Variants in GRAMD1B observed in about 807,000 individuals in gnomAD.
GRAMD1B encodes the protein protein Aster-B.
In GRAMD1B, 37 loss-of-function variants were observed where a neutral mutation model predicts 99.7. The ratio of observed to expected loss-of-function variants is 0.37; its 90% CI spans 0.29 to 0.49. The LOEUF (loss-of-function observed/expected upper bound fraction) is 0.49. GRAMD1B is among the 20% of genes least tolerant of loss of function. The pLI, the probability that GRAMD1B is intolerant of heterozygous loss-of-function variation, is 0.98. For synonymous variants in GRAMD1B, 427 were observed against 387.6 expected, an observed-to-expected ratio of 1.10 and a Z score of -1.19; for missense variants, 888 against 1,009.2, an observed-to-expected ratio of 0.88 and a Z score of 1.63.
At chr11:123,597,076 G>A (rs1951359447) in intron 7 of GRAMD1B, among the ~76,000 whole-genome samples, 1 of 151,642 alleles carries the variant, frequency 6.6e-6, no homozygotes, top group African/African-American at 2.4e-5. Context: ...GTGACTGCTG[G>A]TCCTAGTTCC....
At chr11:123,419,229 G>A (rs1948337204) in intron 1 of GRAMD1B, among the ~76,000 whole-genome samples, 1 of 152,206 alleles carries the variant, frequency 6.6e-6, no homozygotes, top group African/African-American at 2.4e-5. Flanking sequence ...AGACTTGCAA[G>A]TGACCACAGA....
In GRAMD1B at chr11:123,625,128, C is replaced by T. The variant is rs1252830920; in HGVS notation, c.*2533C>T. ...AAATCTCTTCCCCCTTAGTCAATAG[C>T]TTGCGAAAGACATCTTAACTCACCC... On this transcript the variant is annotated 3_prime_UTR_variant, in exon 20 of 20. Transcript: ENST00000635736. The T allele has an allele frequency of 2.0e-5, 3 of 152,220 alleles. No homozygotes were observed. Among genetic ancestry groups the T allele is most frequent in the Non-Finnish European group, 4.4e-5 (3 of 68,052 alleles). 9.4% of individuals were successfully genotyped at this position (152,220 alleles called of 1,614,324 possible).
intron 1 of GRAMD1B, among the ~76,000 whole-genome samples, chr11:123,368,698 A>AG (rs1485780738): frequency 7.3e-5 from 11 of 150,828 alleles, no homozygotes; most frequent in Non-Finnish European, 1.2e-4. Flanking sequence ...AAAAAAAAAA[A>AG]AAAAGAAAGA....
At chr11:123,453,001 C>A (rs576968203) in intron 1 of GRAMD1B, among the ~76,000 whole-genome samples, 5 of 152,260 alleles carry the variant, frequency 3.3e-5, no homozygotes, top group South Asian at 2.1e-4. Flanking sequence ...ATTTTTCTGA[C>A]CTTGTTCCTC....
chr11:123,369,898 G>T (rs1452267189), intron 1 of GRAMD1B, among the ~76,000 whole-genome samples: 1 of 146,268 alleles, frequency 6.8e-6, no homozygotes, highest in Admixed American at 6.8e-5. Flanking sequence ...AAAGGAAAAA[G>T]AAAAAAAAAA....
At position 123,545,288 on chromosome 11, in the gene GRAMD1B, G is replaced by A. The variant is rs530368156; in HGVS notation, c.453-32079G>A. On this transcript the variant is annotated intron_variant, in intron 2 of 19. Coordinates refer to ENST00000635736, the MANE Select transcript of GRAMD1B (RefSeq NM_001387025.1). The stretch of plus-strand genomic sequence containing the variant: ...TTCCTGCCCCACCCACCCTAGAATC[G>A]CCTTAGGTGCTTGTTAAAACTACAG... Among the ~76,000 whole-genome samples the A allele has an allele frequency of 5.3e-5, 8 of 152,256 alleles. No homozygotes were observed. In the South Asian group the frequency reaches 1.5e-3, roughly 28 times the overall value.
chr11:123,560,486 C>A, intron 2 of GRAMD1B: 1 of 1,229,722 alleles, frequency 8.1e-7, no homozygotes, highest in Non-Finnish European at 1.0e-6. Context: ...TGGCCCGAGT[C>A]CCCTCCCCCG....
At chr11:123,429,150 A>G (rs1007430107), upstream of GRAMD1B, among the ~76,000 whole-genome samples, 4 of 152,144 alleles carry the variant, frequency 2.6e-5, no homozygotes, top group African/African-American at 7.2e-5. This position sits in a 1 kb window ranked among gnomAD's most constrained non-coding sequence, Gnocchi z 4.0. Context: ...CCATGACTGC[A>G]CCACTGCACT....
chr11:123,612,944 G>T, intron 15 of GRAMD1B, 80 bp downstream of exon 15: 1 of 779,310 alleles, frequency 1.3e-6, no homozygotes, highest in South Asian at 1.6e-5. Context: ...TCAGGGGAAT[G>T]GTATTGAGAA....
At chr11:123,618,312 C>A in intron 17 of GRAMD1B, 2 of 1,605,992 alleles carry the variant, frequency 1.2e-6, no homozygotes, top group Admixed American at 1.7e-5. Flanking sequence ...TAACCTCTGC[C>A]TCCTCCCCAT....
rs1281290741 is a variant in GRAMD1B, at chr11:123,510,406, C to T, written c.452+29513C>T. 6.6e-6 allele frequency among the ~76,000 whole-genome samples: 1 copy of T among 152,138 alleles called. No homozygotes were observed. Among genetic ancestry groups the T allele is most frequent in the Non-Finnish European group, 1.5e-5 (1 of 68,020 alleles). The stretch of plus-strand genomic sequence containing the variant: ...TCGCTCCTGGGAAGAAGTACCAGGC[C>T]AGGGGAGGTGCCCCCTGACTCAGCC... On this transcript the variant is annotated intron_variant, in intron 2 of 19. Coordinates refer to ENST00000635736, the MANE Select transcript of GRAMD1B (RefSeq NM_001387025.1). The surrounding 1 kb of genome is among the most constrained non-coding windows in gnomAD (Gnocchi z 4.3).
chr11:123,549,356 A>G (rs1237387894), intron 2 of GRAMD1B, among the ~76,000 whole-genome samples: 1 of 152,108 alleles, frequency 6.6e-6, no homozygotes, highest in East Asian at 1.9e-4. Flanking sequence ...CATCCTGGCT[A>G]AGACGGTGAA....
chr11:123,483,448 G>A (rs968100681), intron 2 of GRAMD1B, among the ~76,000 whole-genome samples: 1 of 146,542 alleles, frequency 6.8e-6, no homozygotes, highest in Admixed American at 6.9e-5. Flanking sequence ...GTGCAGTGGC[G>A]TGATCTCAAC....
At chr11:123,583,888 G>A (rs929815588) in intron 3 of GRAMD1B, among the ~76,000 whole-genome samples, 1 of 152,168 alleles carries the variant, frequency 6.6e-6, no homozygotes, top group African/African-American at 2.4e-5. Context: ...CCTCGAAAGT[G>A]TCCCACCCTG....
intron 2 of GRAMD1B, among the ~76,000 whole-genome samples, chr11:123,501,473 A>G (rs1284984279): frequency 6.6e-6 from 1 of 152,148 alleles, no homozygotes; most frequent in African/African-American, 2.4e-5. Flanking sequence ...GCCAGCCTGG[A>G]GCCCAAGTTC....
intron 1 of GRAMD1B, among the ~76,000 whole-genome samples, chr11:123,444,374 C>T (rs893589094): frequency 3.0e-4 from 46 of 152,078 alleles, no homozygotes; most frequent in African/African-American, 8.9e-4. Context: ...CACCTATAAT[C>T]GCAGCACTTT....
At chr11:123,388,894 G>A (rs529809210) in intron 1 of GRAMD1B, among the ~76,000 whole-genome samples, 52 of 152,250 alleles carry the variant, frequency 3.4e-4, no homozygotes, top group African/African-American at 1.3e-3. Flanking sequence ...AAGCTATCCA[G>A]GTTCATGTGT....
At chr11:123,582,134 T>A (rs1949422386) in intron 3 of GRAMD1B, among the ~76,000 whole-genome samples, 1 of 152,212 alleles carries the variant, frequency 6.6e-6, no homozygotes, top group Non-Finnish European at 1.5e-5. Flanking sequence ...GGCCGGCAGC[T>A]CCCAGAGCGC....
At chr11:123,445,742 C>T (rs1390780347) in intron 1 of GRAMD1B, among the ~76,000 whole-genome samples, 1 of 144,446 alleles carries the variant, frequency 6.9e-6, no homozygotes, top group Non-Finnish European at 1.5e-5. Context: ...TTGCTTGAAC[C>T]TGGGAGGCAG....
Sources: allele counts gnomAD v4.1 joint callset (sites outside exome capture counted in the v4.1 genomes callset), GRCh38; gene constraint gnomAD v4.1.1; non-coding constraint Gnocchi (gnomAD v3.1); transcripts MANE v1.5; gene names NCBI Gene and HGNC (gene_info 2026-07-23, HGNC 2026-07-21).